WWOX: variants seen among roughly 807,000 people sequenced by gnomAD.
WWOX encodes WW domain containing oxidoreductase, also known as WW domain-containing oxidoreductase.
A neutral mutation model predicts 46.2 loss-of-function variants in WWOX; 69 were observed. The observed-to-expected ratio is 1.49, with a 90% confidence interval of 1.23 to 1.82. The LOEUF (loss-of-function observed/expected upper bound fraction) is 1.82, where lower values mean the gene tolerates loss of function less well. Ranked by LOEUF, WWOX falls within the 40% of genes most tolerant of loss-of-function variation. The pLI is 0.00. For synonymous variants in WWOX, 359 were observed against 202.6 expected (o/e 1.77, Z -6.56); for missense variants, 919 against 542.6 (o/e 1.69, Z -6.89).
intron 8 of WWOX, among the ~76,000 whole-genome samples, chr16:78,593,125 C>T (rs912668636): frequency 2.0e-5 from 3 of 152,120 alleles, no homozygotes; most frequent in Admixed American, 6.5e-5. Context: ...GAGTTTGTGC[C>T]AAACCAGGTG....
At chr16:78,562,515 T>C (rs2044463630) in intron 8 of WWOX, among the ~76,000 whole-genome samples, 1 of 152,208 alleles carries the variant, frequency 6.6e-6, no homozygotes, top group East Asian at 1.9e-4. Context: ...TCTGCACTTG[T>C]TGACCTTGAG....
chr16:78,772,283 C>G (rs1001376948), intron 8 of WWOX, among the ~76,000 whole-genome samples: 1 of 152,184 alleles, frequency 6.6e-6, no homozygotes, highest in Non-Finnish European at 1.5e-5. Context: ...GTAAGTGAGG[C>G]CATGCAGTAT....
chr16:78,868,128 A>C lies in WWOX; in HGVS notation c.1057-343480A>C, dbSNP rs563725264. ...GATAGCCAAACGCCGGAAATACCCA[A>C]ATGTCCATTAGCTGGGGAATGGAGA... On this transcript the variant is annotated intron_variant, in intron 8 of 8. Transcript: ENST00000566780. Among the ~76,000 whole-genome samples, 6 of 152,314 alleles carry C rather than the reference A, an allele frequency of 3.9e-5. No individual in the cohort carries two copies. In the East Asian group the frequency reaches 1.2e-3, roughly 29 times the overall value.
intron 8 of WWOX, among the ~76,000 whole-genome samples, chr16:78,503,459 A>AT (rs568528969): frequency 1.6e-3 from 249 of 151,984 alleles, no homozygotes; most frequent in African/African-American, 5.8e-3. Context: ...AAAAAAAAAA[A>AT]ATTTTTTTTT....
chr16:78,429,558 G>T (rs543326743), intron 7 of WWOX, among the ~76,000 whole-genome samples: 1 of 152,134 alleles, frequency 6.6e-6, no homozygotes, highest in East Asian at 1.9e-4. Context: ...AGAGGGAGGG[G>T]GTGGTGCTAT....
At position 78,409,510 on chromosome 16, in the gene WWOX, A is replaced by G. The variant is rs112601834; in HGVS notation, c.606-15360A>G. Among the ~76,000 whole-genome samples the G allele has an allele frequency of 2.1e-3, 326 of 152,302 alleles. 2 individuals are homozygous for G. Among genetic ancestry groups the G allele is most frequent in the African/African-American group, 7.6e-3 (318 of 41,570 alleles). On this transcript the variant is annotated intron_variant, in intron 6 of 8. Transcript: ENST00000566780. ...TGGATTCCTTCCCATAGCATAATGC[A>G]TGCAGTATTTGTCTGTTTCTGCTAA...
intron 8 of WWOX, among the ~76,000 whole-genome samples, chr16:78,827,414 T>A (rs900067516): frequency 1.3e-5 from 2 of 152,020 alleles, no homozygotes; most frequent in African/African-American, 4.8e-5. Context: ...TCTCTGTGGC[T>A]CCAGGGTCAG....
chr16:78,600,229 A>T (rs2045589032), intron 8 of WWOX, among the ~76,000 whole-genome samples: 1 of 151,914 alleles, frequency 6.6e-6, no homozygotes, highest in Non-Finnish European at 1.5e-5. Flanking sequence ...AACACATGGG[A>T]ATTGTGGGAG....
chr16:78,358,918 A>T (rs948363220), intron 5 of WWOX, among the ~76,000 whole-genome samples: 7 of 134,300 alleles, frequency 5.2e-5, no homozygotes, highest in African/African-American at 1.9e-4. Flanking sequence ...TTCTATGTCA[A>T]TACATACTGT....
At chr16:78,114,697 T>G (rs1020141105) in intron 3 of WWOX, among the ~76,000 whole-genome samples, 9 of 152,186 alleles carry the variant, frequency 5.9e-5, no homozygotes, top group Non-Finnish European at 1.2e-4. Flanking sequence ...TCAAGAAGCC[T>G]TTTTTGAGAT....
chr16:78,492,715 T>C (rs1384129213), intron 8 of WWOX, among the ~76,000 whole-genome samples: 1 of 152,230 alleles, frequency 6.6e-6, no homozygotes, highest in South Asian at 2.1e-4. Flanking sequence ...TCAATGACTT[T>C]CAAAGTTATG....
chr16:78,426,105 G>A (rs973710536), intron 7 of WWOX, among the ~76,000 whole-genome samples: 1 of 152,104 alleles, frequency 6.6e-6, no homozygotes, highest in Non-Finnish European at 1.5e-5. Flanking sequence ...GAAATGAAAG[G>A]TAAATGCCAG....
intron 8 of WWOX, among the ~76,000 whole-genome samples, chr16:78,738,877 C>G (rs989130342): frequency 6.6e-6 from 1 of 152,110 alleles, no homozygotes; most frequent in Non-Finnish European, 1.5e-5. Context: ...ACATTCCATT[C>G]TTCATATTTT....
intron 8 of WWOX, among the ~76,000 whole-genome samples, chr16:79,197,185 G>C (rs1209832023): frequency 6.6e-6 from 1 of 152,100 alleles, no homozygotes; most frequent in African/African-American, 2.4e-5. Flanking sequence ...CCCTAAGCTG[G>C]TTTGGGTTTA....
chr16:78,304,624 G>A (rs2080099817), intron 5 of WWOX, among the ~76,000 whole-genome samples: 1 of 152,320 alleles, frequency 6.6e-6, no homozygotes, highest in East Asian at 1.9e-4. Context: ...GCTGCTTCAC[G>A]ATAATCCATT....
chr16:78,780,968 G>C (rs1423032938), intron 8 of WWOX, among the ~76,000 whole-genome samples: 1 of 152,188 alleles, frequency 6.6e-6, no homozygotes, highest in Non-Finnish European at 1.5e-5. Context: ...CTGTCACCTT[G>C]GGGCCAGCCT....
intron 8 of WWOX, among the ~76,000 whole-genome samples, chr16:78,951,235 G>T (rs1000006398): frequency 5.3e-5 from 8 of 152,188 alleles, no homozygotes; most frequent in Admixed American, 2.6e-4. Flanking sequence ...GCATCTCTCA[G>T]CTGTACTTCC....
At chr16:78,568,600 C>G (rs912480966) in intron 8 of WWOX, among the ~76,000 whole-genome samples, 4 of 151,680 alleles carry the variant, frequency 2.6e-5, no homozygotes, top group South Asian at 2.1e-4. Context: ...CTTAGCCTCC[C>G]GAGTAGCTGG....
chr16:78,554,447 A>G (rs993540977), intron 8 of WWOX, among the ~76,000 whole-genome samples: 3 of 152,232 alleles, frequency 2.0e-5, no homozygotes, highest in Non-Finnish European at 2.9e-5. Flanking sequence ...AACCTAGCAT[A>G]TGAAAACAGT....
Sources: allele counts gnomAD v4.1 joint callset (sites outside exome capture counted in the v4.1 genomes callset), GRCh38; gene constraint gnomAD v4.1.1; transcripts MANE v1.5; gene names NCBI Gene and HGNC (gene_info 2026-07-23, HGNC 2026-07-21).